The following DLG2 variants were observed in gnomAD, a reference collection of about 807,000 sequenced individuals.
DLG2 encodes disks large homolog 2.
Under a neutral mutation model 132.5 loss-of-function variants are expected in DLG2, and 45 were observed. The observed-to-expected ratio is 0.34, with a 90% CI of 0.27 to 0.44. The LOEUF is 0.44. DLG2 is among the 20% of genes least tolerant of loss of function. DLG2 has a pLI of 1.00. For synonymous variants in DLG2, 424 were observed against 419.6 expected, an observed-to-expected ratio of 1.01 and a Z score of -0.13; for missense variants, 1,045 against 1,196.9, an observed-to-expected ratio of 0.87 and a Z score of 1.87.
At chr11:83,527,133 GT>G (rs1348466809) in intron 21 of DLG2, among the ~76,000 whole-genome samples, 1 of 152,148 alleles carries the variant, frequency 6.6e-6, no homozygotes, top group Admixed American at 6.6e-5. Context: ...ACTTTAGAAT[GT>G]TCTCCTTCAG....
At chr11:84,181,455 C>T (rs1337290679) in intron 8 of DLG2, among the ~76,000 whole-genome samples, 1 of 151,892 alleles carries the variant, frequency 6.6e-6, no homozygotes, top group Non-Finnish European at 1.5e-5. Context: ...AGAACAAGAA[C>T]AGTAATTAGA....
intron 15 of DLG2, among the ~76,000 whole-genome samples, chr11:83,886,287 G>A (rs1249136039): frequency 2.6e-5 from 4 of 152,206 alleles, no homozygotes; most frequent in Middle Eastern, 6.8e-3. Context: ...AAAAAGGCAG[G>A]GGTTGCAATC....
At chr11:84,980,976 G>A (rs762791833) in intron 6 of DLG2, among the ~76,000 whole-genome samples, 6 of 151,982 alleles carry the variant, frequency 3.9e-5, no homozygotes, top group Non-Finnish European at 7.4e-5. Context: ...ATAGACTCTG[G>A]GCATAGCTCT....
rs373127852 is a variant in DLG2, at chr11:84,934,514, T to TTTG, written c.357+177146_357+177147insCAA. Among the ~76,000 whole-genome samples, 812 of 85,626 alleles carry TTTG rather than the reference T, an allele frequency of 9.5e-3. 72 individuals are homozygous for TTTG. The highest frequency in any genetic ancestry group is 0.04 in the African/African-American group (726 of 18,118). 56.2% of individuals were successfully genotyped at this position (85,626 alleles called of 152,430 possible). A position where few individuals can be genotyped will look rare whatever the true frequency, so the allele number is the denominator to read the frequency against. Reference sequence around the variant, plus strand: ...TGTATGGTCCTGGGTGTTTTTTTTTTGTTTTGTTTTGTTTTTTTTTTTTTT... The same window carrying TTTG: ...TGTATGGTCCTGGGTGTTTTTTTTTTTTGGTTTTGTTTTGTTTTTTTTTTTTTT... On this transcript the variant is annotated intron_variant, in intron 6 of 27. Coordinates refer to ENST00000376104, the MANE Select transcript of DLG2 (RefSeq NM_001142699.3).
chr11:85,374,577 G>A (rs1354014324), intron 3 of DLG2, among the ~76,000 whole-genome samples: 1 of 152,102 alleles, frequency 6.6e-6, no homozygotes, highest in Non-Finnish European at 1.5e-5. Context: ...TCAAACTCCT[G>A]ACCTCAGGTG....
chr11:85,210,711 G>A (rs1469960275), intron 4 of DLG2, among the ~76,000 whole-genome samples: 4 of 152,034 alleles, frequency 2.6e-5, no homozygotes, highest in East Asian at 3.9e-4. Context: ...TTTCAGCACA[G>A]CAGGAATAAT....
chr11:83,628,426 C>T (rs555919485), intron 19 of DLG2, among the ~76,000 whole-genome samples: 3 of 152,258 alleles, frequency 2.0e-5, no homozygotes, highest in East Asian at 3.9e-4. Context: ...AAATGCTGCT[C>T]TACAATGTCT....
chr11:85,582,376 T>C (rs1565715262), intron 3 of DLG2, among the ~76,000 whole-genome samples: 4 of 151,886 alleles, frequency 2.6e-5, no homozygotes, highest in Admixed American at 2.0e-4. Context: ...AATAGTAAGA[T>C]ATAGCATAAA....
chr11:85,174,030 A>T (rs906714301), intron 4 of DLG2, among the ~76,000 whole-genome samples: 1 of 152,122 alleles, frequency 6.6e-6, no homozygotes, highest in Non-Finnish European at 1.5e-5. Context: ...TGGGAGACTT[A>T]AACACCCTAC....
chr11:83,734,338 CCCTTCCTTCCTTCCTTCCTTCCTTCCTT>C (rs563427546), intron 18 of DLG2, among the ~76,000 whole-genome samples: 2,377 of 95,336 alleles, frequency 0.025, 41 homozygotes, highest in South Asian at 0.071. Flanking sequence ...CACTAATTTT[CCCTTCCTTCCTTCCTTCCTTCCTTCCTT>C]CCTTCCTTCC....
At chr11:83,714,309 A>C (rs2086181677) in intron 18 of DLG2, among the ~76,000 whole-genome samples, 1 of 152,048 alleles carries the variant, frequency 6.6e-6, no homozygotes, top group Non-Finnish European at 1.5e-5. Flanking sequence ...AGATAAAGAA[A>C]AAGAGGAAAA....
chr11:83,791,321 T>C lies in DLG2; in HGVS notation c.1723-4529A>G. 12 of 674,164 alleles carry C rather than the reference T, an allele frequency of 1.8e-5. No homozygotes were observed. The South Asian group carries it at 2.2e-4, about 12-fold the overall frequency. 41.8% of individuals were successfully genotyped at this position (674,164 alleles called of 1,614,324 possible). ...CCCGCCTTGCCTTTTGGCTTCTGTT[T>C]GGCAGAAAGCTGCCTTTTTAACGTA... On this transcript the variant is annotated intron_variant, in intron 17 of 27. Transcript: ENST00000376104.
intron 7 of DLG2, among the ~76,000 whole-genome samples, chr11:84,449,625 C>T (rs533364): frequency 0.23 from 35,071 of 151,620 alleles, 5,066 homozygotes; most frequent in Non-Finnish European, 0.32. Context: ...CACTAAAGTA[C>T]TTAACATGCA....
chr11:85,179,031 T>C (rs2079520844), intron 4 of DLG2, among the ~76,000 whole-genome samples: 1 of 151,736 alleles, frequency 6.6e-6, no homozygotes, highest in African/African-American at 2.4e-5. Context: ...GCAGTGTACA[T>C]ACATAAAATT....
chr11:84,202,574 G>A (rs1049432504), intron 8 of DLG2, among the ~76,000 whole-genome samples: 60 of 152,156 alleles, frequency 3.9e-4, no homozygotes, highest in Non-Finnish European at 4.1e-4. Context: ...ATTTCCTAAC[G>A]AAGACACCAA....
At chr11:85,063,720 G>C (rs577803971) in intron 6 of DLG2, among the ~76,000 whole-genome samples, 1 of 151,714 alleles carries the variant, frequency 6.6e-6, no homozygotes, top group African/African-American at 2.4e-5. Context: ...ATAAAATCTA[G>C]GCTGTAAAAT....
At chr11:84,358,079 T>C (rs1281851166) in intron 7 of DLG2, among the ~76,000 whole-genome samples, 3 of 152,026 alleles carry the variant, frequency 2.0e-5, no homozygotes, top group Non-Finnish European at 4.4e-5. Flanking sequence ...AAAAATCTGC[T>C]CCGTATAGTA....
At chr11:83,966,717 TA>T (rs1256589890) in intron 12 of DLG2, among the ~76,000 whole-genome samples, 3 of 152,110 alleles carry the variant, frequency 2.0e-5, no homozygotes, top group Admixed American at 1.3e-4. Context: ...TAAATTAACA[TA>T]TCCATCATCA....
At chr11:84,381,279 AGAC>A (rs760492663) in intron 7 of DLG2, among the ~76,000 whole-genome samples, 13 of 152,128 alleles carry the variant, frequency 8.5e-5, no homozygotes, top group Non-Finnish European at 1.8e-4. Flanking sequence ...ATAGTTTTAC[AGAC>A]AAGTTCTTCC....
Sources: allele counts gnomAD v4.1 joint callset (sites outside exome capture counted in the v4.1 genomes callset), GRCh38; gene constraint gnomAD v4.1.1; transcripts MANE v1.5; gene names NCBI Gene and HGNC (gene_info 2026-07-23, HGNC 2026-07-21).